Variants in MIF4GD observed in about 807,000 individuals in gnomAD.
The protein encoded by MIF4GD is MIF4G domain containing.
A neutral mutation model predicts 26.7 loss-of-function variants in MIF4GD; 22 were observed. The observed-to-expected ratio is 0.82, with a 90% CI of 0.59 to 1.18. MIF4GD has a LOEUF of 1.18. Ranked by LOEUF, MIF4GD falls within the 50% of genes most tolerant of loss-of-function variation. MIF4GD has a pLI of 0.00. For synonymous variants in MIF4GD, 137 were observed against 111.6 expected (o/e 1.23, Z -1.43); for missense variants, 262 against 279.6 (o/e 0.94, Z 0.45).
chr17:75,270,276 A>G lies in MIF4GD; in HGVS notation c.-50-31T>C. The G allele has an allele frequency of 7.7e-7, 1 of 1,292,340 alleles. No individual in the cohort carries two copies. Among genetic ancestry groups the G allele is most frequent in the Non-Finnish European group, 1.1e-6 (1 of 892,884 alleles). 80.1% of individuals were successfully genotyped at this position (1,292,340 alleles called of 1,614,324 possible). A position where few individuals can be genotyped will look rare whatever the true frequency, so the allele number is the denominator to read the frequency against. On this transcript the variant is annotated intron_variant, in intron 1 of 5. Transcript: ENST00000325102. The surrounding 1 kb of genome is among the most constrained non-coding windows in gnomAD (Gnocchi z 5.7). ...GAGAAGAGGCGAAGGGAGCGGCCTC[A>G]GGTGTGGAGCGCAGGGCGGGTTCCG...
chr17:75,270,325 G>A lies in MIF4GD; in HGVS notation c.-50-80C>T. 1.3e-6 allele frequency: 1 copy of A among 791,030 alleles called. No homozygotes were observed. The allele number at this position is 791,030 out of a possible 1,614,324, so 49.0% of individuals were successfully genotyped here. A position where few individuals can be genotyped will look rare whatever the true frequency, so the allele number is the denominator to read the frequency against. ...CGTCCTGCAGGCCCTGGACGGGGCT[G>A]ACGGCGCGCTCGGGACAGGGACTCC... On this transcript the variant is annotated intron_variant, in intron 1 of 5. Coordinates refer to ENST00000325102, the MANE Select transcript of MIF4GD (RefSeq NM_001370592.1). The surrounding 1 kb of genome is among the most constrained non-coding windows in gnomAD (Gnocchi z 5.7).
At position 75,266,309 on chromosome 17, in the gene MIF4GD, T is replaced by A; in HGVS notation, c.*431A>T. 2.8e-6 allele frequency: 1 copy of A among 354,370 alleles called. No homozygotes were observed. Among genetic ancestry groups the A allele is most frequent in the Non-Finnish European group, 5.3e-6 (1 of 188,998 alleles). 22.0% of individuals were successfully genotyped at this position (354,370 alleles called of 1,614,324 possible). A position where few individuals can be genotyped will look rare whatever the true frequency, so the allele number is the denominator to read the frequency against. ...TGGTGCAGCATTCAGTGAAACTGGC[T>A]GGAGGAAATAGGCTTGTTTCCAGAG... On this transcript the variant is annotated 3_prime_UTR_variant, in exon 6 of 6. Coordinates refer to ENST00000325102, the MANE Select transcript of MIF4GD (RefSeq NM_001370592.1).
At position 75,267,083 on chromosome 17, in the gene MIF4GD, C is replaced by T. The variant is rs1196053254; in HGVS notation, c.442-116G>A. The T allele has an allele frequency of 9.6e-6, 8 of 832,690 alleles. No homozygotes were observed. In the South Asian group the frequency reaches 1.1e-4, roughly 11 times the overall value. 51.6% of individuals were successfully genotyped at this position (832,690 alleles called of 1,614,324 possible). A position where few individuals can be genotyped will look rare whatever the true frequency, so the allele number is the denominator to read the frequency against. On this transcript the variant is annotated intron_variant, in intron 5 of 5. Transcript: ENST00000325102. ...CTTTACACTCATTCCCTTGCTCCCT[C>T]CTTACCATCCAGTGGGTACTTCCAC...
Position 75,270,208 on chromosome 17 carries a change from C to T in MIF4GD, c.-13G>A, listed in dbSNP as rs765095140. On this transcript the variant is annotated 5_prime_UTR_variant, in exon 2 of 6. Coordinates refer to ENST00000325102, the MANE Select transcript of MIF4GD (RefSeq NM_001370592.1). This position sits in a 1 kb window ranked among gnomAD's most constrained non-coding sequence, Gnocchi z 5.7. ...TGGGCTCCCCCATGACTAGCCAGCC[C>T]CGGTAGCTCTTGACTGGGCTGGGAA... 5 of 1,611,442 alleles carry T rather than the reference C, an allele frequency of 3.1e-6. No homozygotes were observed. Among genetic ancestry groups the T allele is most frequent in the South Asian group, 2.2e-5 (2 of 91,024 alleles).
At chr17:75,269,908 C>T (rs995015142) in intron 2 of MIF4GD, among the ~76,000 whole-genome samples, 1 of 152,020 alleles carries the variant, frequency 6.6e-6, no homozygotes, top group Non-Finnish European at 1.5e-5. Context: ...ACAGTCTTTA[C>T]AGTCTGAGAG....
At position 75,270,339 on chromosome 17, in the gene MIF4GD, G is replaced by A. The variant is rs1309563586; in HGVS notation, c.-50-94C>T. 5 of 701,242 alleles carry A rather than the reference G, an allele frequency of 7.1e-6. No individual in the cohort carries two copies. The highest frequency in any genetic ancestry group is 1.2e-5 in the Non-Finnish European group (5 of 400,740). The allele number at this position is 701,242 out of a possible 1,614,324, so 43.4% of individuals were successfully genotyped here. A position where few individuals can be genotyped will look rare whatever the true frequency, so the allele number is the denominator to read the frequency against. ...TGGACGGGGCTGACGGCGCGCTCGG[G>A]ACAGGGACTCCTGGGCGGTCCGTGG... is the stretch of plus-strand genomic sequence containing the variant. On this transcript the variant is annotated intron_variant, in intron 1 of 5. Coordinates refer to ENST00000325102, the MANE Select transcript of MIF4GD (RefSeq NM_001370592.1). This position sits in a 1 kb window ranked among gnomAD's most constrained non-coding sequence, Gnocchi z 5.7.
intron 2 of MIF4GD, among the ~76,000 whole-genome samples, chr17:75,269,721 G>A (rs778291793): frequency 1.2e-4 from 17 of 138,238 alleles, no homozygotes; most frequent in Non-Finnish European, 1.1e-4. Flanking sequence ...CACTATGCCC[G>A]GCTAATTTTT....
At position 75,266,942 on chromosome 17, in the gene MIF4GD, T is replaced by C; in HGVS notation, c.467A>G (p.His156Arg). ...EEVDCLVLQL[H>R]RVGEQLEKMN... ...TTTCTCCAGCTGCTCCCCAACCCGG[T>C]GCAGCTGCAGCACCAAACAGTCCAC... is the stretch of plus-strand genomic sequence containing the variant. The change falls in exon 6 of 6, where the codon CAC becomes CGC. Residue 156 changes from histidine to arginine, a missense_variant. His to Arg is a conservative substitution (Grantham distance 29). Transcript: ENST00000325102. 1 of 1,613,970 alleles carries C rather than the reference T, an allele frequency of 6.2e-7. No homozygotes were observed. Among genetic ancestry groups the C allele is most frequent in the African/African-American group, 1.3e-5 (1 of 75,044 alleles).
rs547476219 is a variant in MIF4GD at position 75,269,548 on chromosome 17, CTTTTTTTTTTT to C, written c.82+555_82+565del. ...CCGTGTTCTTTTTTTTATGGTTAAA[CTTTTTTTTTTT>C]TTTTTTTTTTTTTTTTTTTGAGACA... is the stretch of plus-strand genomic sequence containing the variant. On this transcript the variant is annotated intron_variant, in intron 2 of 5. Transcript: ENST00000325102. 2,679 of 556,434 alleles carry C rather than the reference CTTTTTTTTTTT, an allele frequency of 4.8e-3. 10 individuals carry two copies. Among genetic ancestry groups the C allele is most frequent in the East Asian group, 0.013 (196 of 14,600 alleles). The allele number at this position is 556,434 out of a possible 1,614,324, so 34.5% of individuals were successfully genotyped here. A position where few individuals can be genotyped will look rare whatever the true frequency, so the allele number is the denominator to read the frequency against.
At position 75,270,179 on chromosome 17, in the gene MIF4GD, C is replaced by T. The variant is rs773977561; in HGVS notation, c.17G>A (p.Arg6Lys). The change falls in exon 2 of 6, where the codon AGA becomes AAA. Residue 6 changes from arginine to lysine, a missense_variant. Transcript: ENST00000325102. The surrounding 1 kb of genome is among the most constrained non-coding windows in gnomAD (Gnocchi z 5.7). The stretch of plus-strand genomic sequence containing the variant: ...AAAGGACTGGATTTTATACTCCTCT[C>T]TACTGGGCTCCCCCATGACTAGCCA... MGEPSREEYKIQSFDA... is the reference protein window; with the variant it reads MGEPSKEEYKIQSFDA... The T allele has an allele frequency of 1.2e-6, 2 of 1,614,056 alleles. No homozygotes were observed. Among genetic ancestry groups the T allele is most frequent in the East Asian group, 4.5e-5 (2 of 44,880 alleles).
Position 75,271,160 on chromosome 17 carries a change from G to C in MIF4GD, c.-67C>G, listed in dbSNP as rs1447136179. The C allele has an allele frequency of 6.7e-6, 1 of 148,680 alleles. No homozygotes were observed. Among genetic ancestry groups the C allele is most frequent in the Non-Finnish European group, 1.5e-5 (1 of 66,700 alleles). The allele number at this position is 148,680 out of a possible 1,614,324, so 9.2% of individuals were successfully genotyped here. On this transcript the variant is annotated 5_prime_UTR_variant, in exon 1 of 6. Coordinates refer to ENST00000325102, the MANE Select transcript of MIF4GD (RefSeq NM_001370592.1). The surrounding 1 kb of genome is among the most constrained non-coding windows in gnomAD (Gnocchi z 4.2). Reference sequence around the variant, plus strand: ...GGGACCCACCTGCCGGGCCGGTGGCGCGCGCGCGTGCCCGGGGCCGCTCGG... The same window carrying C: ...GGGACCCACCTGCCGGGCCGGTGGCCCGCGCGCGTGCCCGGGGCCGCTCGG...
intron 2 of MIF4GD, among the ~76,000 whole-genome samples, 158 bp from the exon 3 acceptor site, chr17:75,268,350 T>C (rs930072455): frequency 6.6e-6 from 1 of 152,048 alleles, no homozygotes; most frequent in Non-Finnish European, 1.5e-5. Context: ...AGTGGTGCAA[T>C]TGGTTAGCGC....
chr17:75,269,737 CTTTCTTT>C (rs1377217794), intron 2 of MIF4GD, among the ~76,000 whole-genome samples: 21,946 of 103,756 alleles, frequency 0.21, 3,089 homozygotes, highest in Middle Eastern at 0.42. Flanking sequence ...TTTTTCTTTT[CTTTCTTT>C]TTTTTTTTTT....
intron 2 of MIF4GD, chr17:75,269,273 G>T: frequency 6.4e-7 from 1 of 1,557,870 alleles, no homozygotes; most frequent in Admixed American, 1.8e-5. Context: ...CAACAAGAGA[G>T]GGCCACATAG....
rs757751425 is a variant in MIF4GD at position 75,266,710 on chromosome 17, G to T, written c.*30C>A. ...TTAGAGGTGGGTAGAAGAAAGGCCAGTGCTGGTGAGGAAGCCCTGATCTGG... is the reference window on the plus strand; with the variant it reads ...TTAGAGGTGGGTAGAAGAAAGGCCATTGCTGGTGAGGAAGCCCTGATCTGG... On this transcript the variant is annotated 3_prime_UTR_variant, in exon 6 of 6. Coordinates refer to ENST00000325102, the MANE Select transcript of MIF4GD (RefSeq NM_001370592.1). 6.2e-7 allele frequency: 1 copy of T among 1,604,704 alleles called. No homozygotes were observed. Among genetic ancestry groups the T allele is most frequent in the African/African-American group, 1.3e-5 (1 of 74,742 alleles).
intron 5 of MIF4GD, 115 bp downstream of exon 5, chr17:75,267,423 C>T (rs773765993): frequency 8.7e-6 from 9 of 1,038,520 alleles, no homozygotes; most frequent in Middle Eastern, 3.1e-4. Context: ...CACAGTCCTG[C>T]CCCAGAAGTG....
At chr17:75,267,425 C>T (rs1487924530) in intron 5 of MIF4GD, 113 bp downstream of exon 5, 13 of 1,063,874 alleles carry the variant, frequency 1.2e-5, no homozygotes, top group African/African-American at 1.6e-5. Context: ...CAGTCCTGCC[C>T]CAGAAGTGAC....
chr17:75,267,937 G>T (rs1164266470), intron 3 of MIF4GD, 36 bp from the exon 4 acceptor site: 1 of 1,602,960 alleles, frequency 6.2e-7, no homozygotes, highest in East Asian at 2.2e-5. Flanking sequence ...AGGGTGGGGG[G>T]CGGTGCCCCT....
At position 75,266,877 on chromosome 17, in the gene MIF4GD, G is replaced by C; in HGVS notation, c.532C>G (p.Arg178Gly). The change falls in exon 6 of 6, where the codon CGG becomes GGG. Residue 178 changes from arginine (R) to glycine (G), a missense_variant. Physicochemically the swap from Arg to Gly is moderately radical, Grantham distance 125. Coordinates refer to ENST00000325102, the MANE Select transcript of MIF4GD (RefSeq NM_001370592.1). ...QRMDELFVLI[R>G]DGFLLPTGLS... ...CCAGTTGGGAGCAGGAAGCCATCCC[G>C]GATCAGCACAAAGAGCTCATCCATG... 1.2e-6 allele frequency: 2 copies of C among 1,614,174 alleles called. No individual in the cohort carries two copies. Among genetic ancestry groups the C allele is most frequent in the Non-Finnish European group, 1.7e-6 (2 of 1,180,022 alleles).
Sources: gnomAD v4.1 joint callset for allele counts (sites outside exome capture counted in the v4.1 genomes callset) on GRCh38, gnomAD v4.1.1 for gene constraint, Gnocchi (gnomAD v3.1) non-coding constraint, MANE v1.5 for transcripts, NCBI Gene and HGNC (gene_info 2026-07-23, HGNC 2026-07-21) for gene names.